The following PIK3C2G variants were observed in gnomAD, a reference collection of about 807,000 sequenced individuals.
PIK3C2G encodes phosphatidylinositol-4-phosphate 3-kinase catalytic subunit type 2 gamma, also known as phosphatidylinositol 3-kinase C2 domain-containing subunit gamma.
PIK3C2G carries 168 observed loss-of-function variants against 181.1 expected under a neutral mutation model. That is an observed-to-expected ratio of 0.93 (90% confidence interval 0.82 to 1.05). The LOEUF (loss-of-function observed/expected upper bound fraction) is 1.05. Ranked by LOEUF, PIK3C2G falls within the 50% of genes least tolerant of loss-of-function variation. PIK3C2G has a pLI of 0.00. For synonymous variants in PIK3C2G, 573 were observed against 592.2 expected, an observed-to-expected ratio of 0.97 and a Z score of 0.47; for missense variants, 1,869 against 1,732.8, an observed-to-expected ratio of 1.08 and a Z score of -1.40.
intron 22 of PIK3C2G, among the ~76,000 whole-genome samples, chr12:18,500,220 T>C (rs949310291): frequency 7.2e-5 from 11 of 152,156 alleles, no homozygotes; most frequent in Non-Finnish European, 1.5e-4. Context: ...GGCGTGGGCT[T>C]GGCGGGCCCC....
chr12:18,470,076 C>G (rs1375868268), intron 18 of PIK3C2G, among the ~76,000 whole-genome samples: 1 of 152,058 alleles, frequency 6.6e-6, no homozygotes, highest in Non-Finnish European at 1.5e-5. Flanking sequence ...TTTTACTCCA[C>G]ACATCCTTCT....
At chr12:18,636,698 T>G (rs1021257834) in intron 31 of PIK3C2G, among the ~76,000 whole-genome samples, 11 of 152,196 alleles carry the variant, frequency 7.2e-5, no homozygotes, top group Non-Finnish European at 1.3e-4. Flanking sequence ...ACTCTCATTC[T>G]CCAAGATTCA....
At chr12:18,458,453 T>C (rs1056594137) in intron 18 of PIK3C2G, among the ~76,000 whole-genome samples, 2 of 152,174 alleles carry the variant, frequency 1.3e-5, no homozygotes, top group African/African-American at 2.4e-5. Flanking sequence ...TATATGAATG[T>C]TGGATGAAGT....
chr12:18,585,437 G>GA lies in PIK3C2G; in HGVS notation c.4012-9047dup, dbSNP rs199686866. ...CATTAAACCAACAAAGATAAGAAAA[G>GA]AAAAAAAAAAGAGAAGGGCATTACA... On this transcript the variant is annotated intron_variant, in intron 29 of 32. Transcript: ENST00000538779. 9.1e-3 allele frequency among the ~76,000 whole-genome samples: 1,297 copies of GA among 142,970 alleles called. 18 individuals are homozygous for GA. Among genetic ancestry groups the GA allele is most frequent in the African/African-American group, 0.03 (1,173 of 39,022 alleles). The allele number at this position is 142,970 out of a possible 152,430, so 93.8% of individuals were successfully genotyped here.
intron 24 of PIK3C2G, among the ~76,000 whole-genome samples, chr12:18,523,331 C>T (rs1410515448): frequency 6.6e-6 from 1 of 152,020 alleles, no homozygotes; most frequent in Non-Finnish European, 1.5e-5. Context: ...ATATTAGTGC[C>T]TGCATATGTG....
chr12:18,443,681 C>T (rs1013259367), intron 18 of PIK3C2G, among the ~76,000 whole-genome samples: 7 of 151,984 alleles, frequency 4.6e-5, no homozygotes, highest in Non-Finnish European at 1.0e-4. Flanking sequence ...AATTCTTTCA[C>T]GGAAAAGTGA....
chr12:18,690,611 G>T, the PIK3C2G span, among the ~76,000 whole-genome samples: 1 of 152,128 alleles, frequency 6.6e-6, no homozygotes, highest in Non-Finnish European at 1.5e-5. Context: ...TGTGATAAAT[G>T]CCATAATATA....
chr12:18,683,052 C>A, the PIK3C2G span: 1 of 615,176 alleles, frequency 1.6e-6, no homozygotes, highest in East Asian at 2.9e-5. Context: ...GGTTAGGACC[C>A]TCTGAAGTTT....
intron 25 of PIK3C2G, among the ~76,000 whole-genome samples, chr12:18,542,218 T>A (rs1944193897): frequency 6.6e-6 from 1 of 151,824 alleles, no homozygotes; most frequent in Admixed American, 6.6e-5. Flanking sequence ...GAAATCTGCC[T>A]CAATGAGCAC....
At chr12:18,521,226 G>A (rs1169559115) in intron 24 of PIK3C2G, among the ~76,000 whole-genome samples, 1 of 152,150 alleles carries the variant, frequency 6.6e-6, no homozygotes, top group Non-Finnish European at 1.5e-5. Context: ...CACCCAGTTG[G>A]GTGGCATGGG....
rs528339361 is a variant in PIK3C2G, at chr12:18,368,028, A to C, written c.1749-3152A>C. Among the ~76,000 whole-genome samples the C allele has an allele frequency of 7.2e-5, 11 of 152,250 alleles. No homozygotes were observed. In the South Asian group the frequency reaches 2.1e-3, roughly 29 times the overall value. Reference sequence around the variant, plus strand: ...AGAAGCTGCCACTTAGAAAACCATCAGATCTCTAAGAACTCACTCACTATC... The same window carrying C: ...AGAAGCTGCCACTTAGAAAACCATCCGATCTCTAAGAACTCACTCACTATC... On this transcript the variant is annotated intron_variant, in intron 12 of 32. Transcript: ENST00000538779.
chr12:18,694,798 T>G, the PIK3C2G span: 58,837 of 884,224 alleles, frequency 0.067, 2,230 homozygotes, highest in Middle Eastern at 0.11. Flanking sequence ...CTGAAAAGAT[T>G]AACAGAAATT....
At chr12:18,457,934 A>T (rs1232681791) in intron 18 of PIK3C2G, among the ~76,000 whole-genome samples, 3 of 152,128 alleles carry the variant, frequency 2.0e-5, no homozygotes, top group African/African-American at 7.2e-5. Flanking sequence ...TTAAGTCAAG[A>T]TATAGAAAAT....
intron 25 of PIK3C2G, among the ~76,000 whole-genome samples, chr12:18,543,263 T>C (rs1422996865): frequency 6.6e-6 from 1 of 152,052 alleles, no homozygotes; most frequent in African/African-American, 2.4e-5. Context: ...TAAATTTGTT[T>C]AAGTTTCTTA....
intron 18 of PIK3C2G, among the ~76,000 whole-genome samples, chr12:18,427,139 A>G (rs927499324): frequency 6.6e-6 from 1 of 152,156 alleles, no homozygotes; most frequent in Non-Finnish European, 1.5e-5. Context: ...AAAAAGTAAC[A>G]TAGCCAGATA....
Position 18,563,287 on chromosome 12 carries a change from CCTTT to C in PIK3C2G, c.3781-89_3781-86del, listed in dbSNP as rs1490286961. 21 of 1,198,130 alleles carry C rather than the reference CCTTT, an allele frequency of 1.8e-5. No homozygotes were observed. The African/African-American group carries it at 3.1e-4, about 18-fold the overall frequency. 74.2% of individuals were successfully genotyped at this position (1,198,130 alleles called of 1,614,324 possible). ...GATAATGTTTTGCAGAAAGGTACTTCCTTTGTTTGGTTTACATAAAATCGGGTTT... is the reference window on the plus strand; with the variant it reads ...GATAATGTTTTGCAGAAAGGTACTTCGTTTGGTTTACATAAAATCGGGTTT... On this transcript the variant is annotated intron_variant, in intron 27 of 32. Transcript: ENST00000538779.
intron 29 of PIK3C2G, among the ~76,000 whole-genome samples, chr12:18,593,959 T>C (rs114415022): frequency 0.016 from 2,390 of 151,994 alleles, 66 homozygotes; most frequent in African/African-American, 0.054. Context: ...ATTATATTAC[T>C]TTAATAAAAA....
At chr12:18,571,344 G>A (rs1945930805) in intron 29 of PIK3C2G, among the ~76,000 whole-genome samples, 1 of 150,680 alleles carries the variant, frequency 6.6e-6, no homozygotes. Context: ...TGCTTTAGAA[G>A]AATGCACCCT....
intron 29 of PIK3C2G, among the ~76,000 whole-genome samples, chr12:18,593,217 A>G (rs1321935526): frequency 6.6e-6 from 1 of 151,956 alleles, no homozygotes. Context: ...CAATGACCTT[A>G]TTTCCAAATA....
Sources: gnomAD v4.1 joint callset for allele counts (sites outside exome capture counted in the v4.1 genomes callset) on GRCh38, gnomAD v4.1.1 for gene constraint, MANE v1.5 for transcripts, NCBI Gene and HGNC (gene_info 2026-07-23, HGNC 2026-07-21) for gene names.